The following NSG1 variants were observed in gnomAD, a reference collection of about 807,000 sequenced individuals.
NSG1 encodes the protein neuronal vesicle trafficking-associated protein 1.
A neutral mutation model predicts 19.3 loss-of-function variants in NSG1; 9 were observed. The ratio of observed to expected loss-of-function variants is 0.47; its 90% CI spans 0.28 to 0.81. NSG1 has a LOEUF of 0.81. Among genes scored for constraint, NSG1 ranks in the 40% least tolerant of loss-of-function variants. The pLI, the probability that NSG1 is intolerant of heterozygous loss-of-function variation, is 0.11. For synonymous variants in NSG1, 104 were observed against 107.0 expected, an observed-to-expected ratio of 0.97 and a Z score of 0.17; for missense variants, 236 against 242.4, an observed-to-expected ratio of 0.97 and a Z score of 0.18.
In NSG1 at chr4:4,417,201, C is replaced by T. The variant is rs184323238; in HGVS notation, c.358-34C>T. ...GACACACTGGCACCCCCTCTTGCAC[C>T]GACGCGTGCTCTCAGTGGCCTCTTG... On this transcript the variant is annotated intron_variant, in intron 4 of 4. Transcript: ENST00000621129. 4.5e-5 allele frequency: 72 copies of T among 1,595,044 alleles called. 1 individual carries two copies. The highest frequency in any genetic ancestry group is 4.4e-4 in the African/African-American group (33 of 74,622).
In NSG1 at chr4:4,392,622, T is replaced by G. The variant is rs79805522; in HGVS notation, c.246+1031T>G. Among the ~76,000 whole-genome samples, 2,785 of 152,302 alleles carry G rather than the reference T, an allele frequency of 0.018. 221 individuals are homozygous for G. In the East Asian group the frequency reaches 0.24, roughly 13 times the overall value. On this transcript the variant is annotated intron_variant, in intron 3 of 4. Coordinates refer to ENST00000621129, the MANE Select transcript of NSG1 (RefSeq NM_014392.5). ...GATGAAGCCAAAACCACAGAGTGACTGGGGAAGCCAGGGCGTAATCTGACT... is the reference window on the plus strand; with the variant it reads ...GATGAAGCCAAAACCACAGAGTGACGGGGGAAGCCAGGGCGTAATCTGACT...
At chr4:4,410,024 C>G (rs7657445) in intron 4 of NSG1, among the ~76,000 whole-genome samples, 6,704 of 152,282 alleles carry the variant, frequency 0.044, 498 homozygotes, top group African/African-American at 0.15. Context: ...GCGGATTGCT[C>G]TGGGGGAGGG....
chr4:4,388,210 G>T (rs1233780819), intron 2 of NSG1, among the ~76,000 whole-genome samples: 1 of 152,192 alleles, frequency 6.6e-6, no homozygotes, highest in African/African-American at 2.4e-5. Context: ...TGGTCAGATG[G>T]CCCCTCCCCA....
In NSG1 at chr4:4,387,644, G is replaced by A. The variant is rs1213197236; in HGVS notation, c.15G>A (p.Gly5=). Residue 5 remains glycine, a synonymous_variant, in exon 2 of 5, where the codon GGG becomes GGA. Coordinates refer to ENST00000621129, the MANE Select transcript of NSG1 (RefSeq NM_014392.5). ...CTCCCGGAACGATGGTGAAGTTGGG[G>A]AACAATTTCGCAGAGAAGGGCACCA... MVKL[G]NNFAEKGTKQ... 9 of 1,613,242 alleles carry A rather than the reference G, an allele frequency of 5.6e-6. No homozygotes were observed. The highest frequency in any genetic ancestry group is 7.6e-6 in the Non-Finnish European group (9 of 1,179,728).
intron 3 of NSG1, 41 bp from the exon 4 acceptor site, chr4:4,409,532 T>C (rs1317637967): frequency 6.8e-7 from 1 of 1,479,506 alleles, no homozygotes; most frequent in South Asian, 1.1e-5. Flanking sequence ...TCTGTCCTGC[T>C]GCCTTCCGGC....
intron 1 of NSG1, 43 bp from the exon 2 acceptor site, chr4:4,387,561 C>CCGGGGGTGGGTGGGG: frequency 7.9e-6 from 9 of 1,141,986 alleles, no homozygotes; most frequent in East Asian, 2.7e-5. Flanking sequence ...CGCCCCGCCC[C>CCGGGGGTGGGTGGGG]GGGTCTTGCT....
intron 4 of NSG1, among the ~76,000 whole-genome samples, chr4:4,411,232 GTATAT>G (rs1724162559): frequency 6.6e-6 from 1 of 152,148 alleles, no homozygotes; most frequent in Non-Finnish European, 1.5e-5. Context: ...TTGCACAACT[GTATAT>G]TATTTTTCTA....
chr4:4,392,968 A>C (rs1723076415), intron 3 of NSG1, among the ~76,000 whole-genome samples: 1 of 151,964 alleles, frequency 6.6e-6, no homozygotes. Context: ...AGACATACTG[A>C]TCCGAGGTCA....
chr4:4,393,814 C>T (rs1300571108), intron 3 of NSG1, among the ~76,000 whole-genome samples: 1 of 152,106 alleles, frequency 6.6e-6, no homozygotes, highest in Admixed American at 6.5e-5. Flanking sequence ...CATCCCTCCC[C>T]ACTCCCATGG....
intron 3 of NSG1, among the ~76,000 whole-genome samples, chr4:4,404,366 G>A (rs28469081): frequency 0.037 from 5,688 of 152,270 alleles, 332 homozygotes; most frequent in African/African-American, 0.13. Context: ...CCAGCCATGG[G>A]GTCTCCTGCA....
chr4:4,390,627 G>A (rs1332757874), intron 2 of NSG1, among the ~76,000 whole-genome samples: 58 of 152,342 alleles, frequency 3.8e-4, no homozygotes, highest in Middle Eastern at 3.4e-3. Context: ...CTGGCTTGGG[G>A]AGCGGGGTTT....
At chr4:4,398,195 C>T (rs1271154787) in intron 3 of NSG1, among the ~76,000 whole-genome samples, 3 of 152,178 alleles carry the variant, frequency 2.0e-5, no homozygotes, top group African/African-American at 7.2e-5. Flanking sequence ...CCTCGTGATC[C>T]ACCTGCCTCG....
rs541873376 is a variant in NSG1 at position 4,410,754 on chromosome 4, C to T, written c.357+1071C>T. Among the ~76,000 whole-genome samples the T allele has an allele frequency of 9.9e-5, 15 of 152,272 alleles. No homozygotes were observed. In the East Asian group the frequency reaches 2.9e-3, roughly 29 times the overall value. ...GAAGGCCGAGGCATGGCTGTGCACT[C>T]CTGTAGACGAGTGAGCGCTGGACAT... is the stretch of plus-strand genomic sequence containing the variant. On this transcript the variant is annotated intron_variant, in intron 4 of 4. Coordinates refer to ENST00000621129, the MANE Select transcript of NSG1 (RefSeq NM_014392.5).
Position 4,417,804 on chromosome 4 carries a change from A to G in NSG1, c.*369A>G. The stretch of plus-strand genomic sequence containing the variant: ...TTCTGAACCGACCCTGCTGTCTGCA[A>G]ACCTTCCTCCATAGCCATATCTAGA... On this transcript the variant is annotated 3_prime_UTR_variant, in exon 5 of 5. Coordinates refer to ENST00000621129, the MANE Select transcript of NSG1 (RefSeq NM_014392.5). 1 of 336,148 alleles carries G rather than the reference A, an allele frequency of 3.0e-6. No individual in the cohort carries two copies. Among genetic ancestry groups the G allele is most frequent in the South Asian group, 2.5e-5 (1 of 40,218 alleles). 20.8% of individuals were successfully genotyped at this position (336,148 alleles called of 1,614,324 possible). A position where few individuals can be genotyped will look rare whatever the true frequency, so the allele number is the denominator to read the frequency against.
intron 4 of NSG1, among the ~76,000 whole-genome samples, chr4:4,414,556 A>G (rs1009741860): frequency 1.3e-5 from 2 of 152,180 alleles, no homozygotes; most frequent in African/African-American, 2.4e-5. Flanking sequence ...TCTTCCCTCC[A>G]TATTTGTGCG....
intron 3 of NSG1, among the ~76,000 whole-genome samples, chr4:4,397,264 C>G (rs1387283389): frequency 1.3e-5 from 2 of 152,118 alleles, no homozygotes; most frequent in Admixed American, 1.3e-4. Context: ...CGCCGTCGAC[C>G]TGGCGCCATC....
At chr4:4,402,528 C>T (rs557844769) in intron 3 of NSG1, among the ~76,000 whole-genome samples, 4 of 151,624 alleles carry the variant, frequency 2.6e-5, no homozygotes, top group Non-Finnish European at 4.4e-5. Context: ...GCTGGGACTA[C>T]AGGCGTCCGC....
chr4:4,392,095 A>G lies in NSG1; in HGVS notation c.246+504A>G, dbSNP rs551320618. ...TGAGGCACAGAGTGGTCACAGCTCT[A>G]CACAGCAGAGCCAGGATCTGATCTG... On this transcript the variant is annotated intron_variant, in intron 3 of 4. Coordinates refer to ENST00000621129, the MANE Select transcript of NSG1 (RefSeq NM_014392.5). Among the ~76,000 whole-genome samples the G allele has an allele frequency of 2.6e-5, 4 of 152,272 alleles. No homozygotes were observed. The South Asian group carries it at 8.3e-4, about 32-fold the overall frequency.
chr4:4,400,330 T>A (rs1326475766), intron 3 of NSG1, among the ~76,000 whole-genome samples: 1 of 152,346 alleles, frequency 6.6e-6, no homozygotes, highest in East Asian at 1.9e-4. Flanking sequence ...TATCTCGTCT[T>A]ATGCTAATAC....
Sources: gnomAD v4.1 joint callset for allele counts (sites outside exome capture counted in the v4.1 genomes callset) on GRCh38, gnomAD v4.1.1 for gene constraint, MANE v1.5 for transcripts, NCBI Gene and HGNC (gene_info 2026-07-23, HGNC 2026-07-21) for gene names.